The following MCF2L variants were observed in gnomAD, a reference collection of about 807,000 sequenced individuals.
MCF2L encodes the protein guanine nucleotide exchange factor DBS.
In MCF2L, 97 loss-of-function variants were observed where a neutral mutation model predicts 153.4. The observed-to-expected ratio is 0.63, with a 90% confidence interval of 0.54 to 0.75. MCF2L has a LOEUF of 0.75. MCF2L is among the 30% of genes least tolerant of loss of function. The pLI, the probability that MCF2L is intolerant of heterozygous loss-of-function variation, is 0.00. For missense variants in MCF2L, 1,347 were observed against 1,495.2 expected (o/e 0.90, Z 1.64); for synonymous variants, 659 against 632.2 (o/e 1.04, Z -0.64).
chr13:113,084,483 T>A lies in MCF2L; in HGVS notation c.2062-409T>A, dbSNP rs1253402156. On this transcript the variant is annotated intron_variant, in intron 18 of 29. Coordinates refer to ENST00000535094, the MANE Select transcript of MCF2L (RefSeq NM_001112732.3). Reference sequence around the variant, plus strand: ...TAGAGGCACCCAGGAGCAATTGCACTTCACAATGGGGCTAGGGTCTGTTTT... The same window carrying A: ...TAGAGGCACCCAGGAGCAATTGCACATCACAATGGGGCTAGGGTCTGTTTT... 6 of 323,044 alleles carry A rather than the reference T, an allele frequency of 1.9e-5. No homozygotes were observed. The East Asian group carries it at 3.6e-4, about 19-fold the overall frequency. The allele number at this position is 323,044 out of a possible 1,614,324, so 20.0% of individuals were successfully genotyped here.
rs1311876551 is a variant in MCF2L, at chr13:113,097,499, G to C, written c.*640G>C. The C allele has an allele frequency of 1.3e-5, 2 of 152,152 alleles. No individual in the cohort carries two copies. The highest frequency in any genetic ancestry group is 2.4e-5 in the African/African-American group (1 of 41,412). 9.4% of individuals were successfully genotyped at this position (152,152 alleles called of 1,614,324 possible). ...ATGGAAACGGATGGCACTCCCTGAA[G>C]CTCCCTGGTCACAGGTGGATGAAAA... On this transcript the variant is annotated 3_prime_UTR_variant, in exon 30 of 30. Coordinates refer to ENST00000535094, the MANE Select transcript of MCF2L (RefSeq NM_001112732.3).
chr13:113,093,125 C>T (rs1171234976), intron 26 of MCF2L, among the ~76,000 whole-genome samples: 1 of 152,230 alleles, frequency 6.6e-6, no homozygotes, highest in Non-Finnish European at 1.5e-5. Context: ...GGGGAGGGCA[C>T]GCTGGCAGCC....
upstream of MCF2L, chr13:112,967,802 C>G (rs1466094882): frequency 6.5e-6 from 1 of 153,648 alleles, no homozygotes; most frequent in African/African-American, 2.5e-5. Flanking sequence ...CTGTTGGACG[C>G]TGGAATGCTG....
intron 1 of MCF2L, among the ~76,000 whole-genome samples, chr13:112,985,643 T>C (rs2082607821): frequency 6.6e-6 from 1 of 152,158 alleles, no homozygotes; most frequent in African/African-American, 2.4e-5. Flanking sequence ...GGAGTGGGGA[T>C]GAGAAGCAAA....
intron 3 of MCF2L, among the ~76,000 whole-genome samples, chr13:113,038,456 C>T (rs2086280573): frequency 8.5e-6 from 1 of 118,166 alleles, no homozygotes; most frequent in Admixed American, 8.7e-5. Flanking sequence ...CAGAGCGAGC[C>T]TCCATCTCAA....
At chr13:113,077,236 G>C (rs747302204) in intron 13 of MCF2L, 25 bp downstream of exon 13, 1 of 1,513,804 alleles carries the variant, frequency 6.6e-7, no homozygotes, top group African/African-American at 1.4e-5. Context: ...CCGGTGCCCC[G>C]GGTGCTGTGG....
In MCF2L at chr13:112,973,943, T is replaced by G. The variant is rs112830492; in HGVS notation, c.79+4485T>G. On this transcript the variant is annotated intron_variant, in intron 1 of 29. Coordinates refer to ENST00000535094, the MANE Select transcript of MCF2L (RefSeq NM_001112732.3). ...CCCTTTTCACGCTGCACCTGTGCCT[T>G]GGGATGGTGGCCGCCTTCCAGCGTC... Among the ~76,000 whole-genome samples the G allele has an allele frequency of 2.9e-4, 44 of 152,298 alleles. 1 individual carries two copies. The highest frequency in any genetic ancestry group is 1.0e-3 in the African/African-American group (43 of 41,570).
Position 113,077,227 on chromosome 13 carries a change from C to A in MCF2L, c.1660+16C>A. On this transcript the variant is annotated intron_variant, in intron 13 of 29. Coordinates refer to ENST00000535094, the MANE Select transcript of MCF2L (RefSeq NM_001112732.3). ...CCCTCCCCAGGTCTGTGTGGCCGCC[C>A]GGTGCCCCGGGTGCTGTGGGACCCT... is the stretch of plus-strand genomic sequence containing the variant. 1 of 1,531,498 alleles carries A rather than the reference C, an allele frequency of 6.5e-7. No homozygotes were observed. The highest frequency in any genetic ancestry group is 1.2e-5 in the South Asian group (1 of 81,590). The allele number at this position is 1,531,498 out of a possible 1,614,324, so 94.9% of individuals were successfully genotyped here.
intron 2 of MCF2L, among the ~76,000 whole-genome samples, chr13:112,952,605 T>TG (rs2081707020): frequency 6.6e-6 from 1 of 152,176 alleles, no homozygotes; most frequent in Non-Finnish European, 1.5e-5. Context: ...GTGGATTGTT[T>TG]GGGGCATATC....
At chr13:112,990,463 TAATA>T (rs1356745464) in intron 1 of MCF2L, among the ~76,000 whole-genome samples, 2 of 152,062 alleles carry the variant, frequency 1.3e-5, no homozygotes, top group African/African-American at 2.4e-5. Flanking sequence ...AAGTGTGACA[TAATA>T]AACCACCCGG....
rs182777322 is a variant in MCF2L, at chr13:113,091,336, G to C, written c.2953+1608G>C. 2,108 of 629,288 alleles carry C rather than the reference G, an allele frequency of 3.3e-3. 4 individuals are homozygous for C. Among genetic ancestry groups the C allele is most frequent in the Admixed American group, 4.9e-3 (162 of 33,154 alleles). 39.0% of individuals were successfully genotyped at this position (629,288 alleles called of 1,614,324 possible). On this transcript the variant is annotated intron_variant, in intron 26 of 29. Coordinates refer to ENST00000535094, the MANE Select transcript of MCF2L (RefSeq NM_001112732.3). Reference sequence around the variant, plus strand: ...GCTGCGGAGGCAGACACGCGGTTGTGTTCAATGTGTGATGCTCTGGTGACA... The same window carrying C: ...GCTGCGGAGGCAGACACGCGGTTGTCTTCAATGTGTGATGCTCTGGTGACA...
chr13:113,081,217 G>A lies in MCF2L; in HGVS notation c.1813G>A (p.Val605Met), dbSNP rs1198671571. The A allele has an allele frequency of 1.9e-6, 3 of 1,584,792 alleles. No individual in the cohort carries two copies. The highest frequency in any genetic ancestry group is 2.3e-5 in the East Asian group (1 of 43,966). Residue 605 changes from valine (V) to methionine (M), a missense_variant, in exon 16 of 30, where the codon GTG becomes ATG. Coordinates refer to ENST00000535094, the MANE Select transcript of MCF2L (RefSeq NM_001112732.3). ...EESLAILRRH[V>M]MSELLDTERA... ...CTCCACATGACCTGCCACCAGGCACGTGATGAGCGAGCTCCTGGACACAGA... is the reference window on the plus strand; with the variant it reads ...CTCCACATGACCTGCCACCAGGCACATGATGAGCGAGCTCCTGGACACAGA...
intron 1 of MCF2L, among the ~76,000 whole-genome samples, chr13:113,002,547 G>A (rs993156398): frequency 1.3e-5 from 2 of 152,166 alleles, no homozygotes; most frequent in East Asian, 1.9e-4. Flanking sequence ...CCGGCTGGGC[G>A]GCCTCTGTGG....
At chr13:113,006,390 G>T (rs1001277879) in intron 1 of MCF2L, among the ~76,000 whole-genome samples, 6 of 152,190 alleles carry the variant, frequency 3.9e-5, no homozygotes, top group Non-Finnish European at 5.9e-5. Context: ...TCAATGCACT[G>T]GAGCCAGGTG....
chr13:113,007,432 C>T (rs999154367), intron 1 of MCF2L, among the ~76,000 whole-genome samples: 6 of 152,194 alleles, frequency 3.9e-5, no homozygotes, highest in African/African-American at 7.2e-5. Flanking sequence ...GAGACCCCTG[C>T]GTTGTGGTTC....
At chr13:112,973,221 G>A (rs2082111247) in intron 1 of MCF2L, among the ~76,000 whole-genome samples, 1 of 152,134 alleles carries the variant, frequency 6.6e-6, no homozygotes, top group East Asian at 1.9e-4. Flanking sequence ...CTCAGTGATT[G>A]GCGTCTCCTC....
intron 20 of MCF2L, 124 bp downstream of exon 20, chr13:113,085,302 C>T (rs1566870205): frequency 1.2e-5 from 9 of 764,326 alleles, no homozygotes; most frequent in Non-Finnish European, 2.0e-5. Context: ...TCTTCCGAGC[C>T]TGTGCTGAGG....
intron 2 of MCF2L, among the ~76,000 whole-genome samples, chr13:112,952,929 G>A (rs540242757): frequency 1.3e-5 from 2 of 152,302 alleles, no homozygotes; most frequent in Admixed American, 1.3e-4. Context: ...CGTGTGATCA[G>A]CCACAAAGCA....
chr13:113,029,777 G>C (rs1383135601), intron 3 of MCF2L, among the ~76,000 whole-genome samples: 1 of 152,236 alleles, frequency 6.6e-6, no homozygotes, highest in African/African-American at 2.4e-5. Context: ...ACGAGACCCT[G>C]GCACAGGCGG....
Sources: gnomAD v4.1 joint callset for allele counts (sites outside exome capture counted in the v4.1 genomes callset) on GRCh38, gnomAD v4.1.1 for gene constraint, MANE v1.5 for transcripts, NCBI Gene and HGNC (gene_info 2026-07-23, HGNC 2026-07-21) for gene names.